Variants in CYP2F1 observed in about 807,000 individuals in gnomAD.
The protein encoded by CYP2F1 is cytochrome P450 family 2 subfamily F member 1.
A neutral mutation model predicts 40.4 loss-of-function variants in CYP2F1; 33 were observed. That is an observed-to-expected ratio of 0.82 (90% CI 0.62 to 1.09). The LOEUF is 1.09. Ranked by LOEUF, CYP2F1 falls within the 50% of genes least tolerant of loss-of-function variation. The pLI is 0.00. For missense variants in CYP2F1, 566 were observed against 655.7 expected (o/e 0.86, Z 1.49); for synonymous variants, 235 against 277.2 (o/e 0.85, Z 1.51).
At chr19:41,122,373 T>C (rs2032269039) in intron 6 of CYP2F1, among the ~76,000 whole-genome samples, 1 of 152,054 alleles carries the variant, frequency 6.6e-6, no homozygotes, top group Non-Finnish European at 1.5e-5. Context: ...TGCTCAGGCT[T>C]GTTATCCCAG....
intron 4 of CYP2F1, 88 bp from the exon 5 acceptor site, chr19:41,121,370 G>A (rs551542843): frequency 1.5e-6 from 2 of 1,331,358 alleles, no homozygotes; most frequent in African/African-American, 3.2e-5. Context: ...GGTTGAGTCG[G>A]ATGTTGTACA....
chr19:41,124,602 C>T, intron 7 of CYP2F1, 117 bp from the exon 8 acceptor site: 3 of 964,350 alleles, frequency 3.1e-6, no homozygotes, highest in Non-Finnish European at 4.5e-6. Flanking sequence ...GCAGTGGCGC[C>T]CCGCGCTGGG....
At chr19:41,124,257 T>A (rs2873262) in intron 7 of CYP2F1, among the ~76,000 whole-genome samples, 351 of 20,742 alleles carry the variant, frequency 0.017, 11 homozygotes, top group African/African-American at 0.037. Flanking sequence ...CCCCCCCCCT[T>A]TTTTTTTTTT....
intron 7 of CYP2F1, among the ~76,000 whole-genome samples, chr19:41,124,230 T>C (rs970255344): frequency 7.1e-6 from 1 of 141,444 alleles, no homozygotes; most frequent in African/African-American, 2.9e-5. Flanking sequence ...GCTAATTCTT[T>C]TTTTTTTTTC....
rs747409813 is a variant in CYP2F1 at position 41,121,974 on chromosome 19, G to A, written c.663G>A (p.Pro221=). 1.1e-5 allele frequency: 17 copies of A among 1,613,090 alleles called. No individual in the cohort carries two copies. In the South Asian group the frequency reaches 1.4e-4, roughly 14 times the overall value. The change falls in exon 6 of 10, where the codon CCG becomes CCA. Residue 221 remains proline, a synonymous_variant. Transcript: ENST00000331105. ...SPWGELYDIF[P]SLLDWVPGPH... is the part of the protein sequence containing the mutation. ...GTCCCCAGTTGTACGACATCTTCCCGAGCCTCCTGGACTGGGTGCCTGGGC... is the reference window on the plus strand; with the variant it reads ...GTCCCCAGTTGTACGACATCTTCCCAAGCCTCCTGGACTGGGTGCCTGGGC...
chr19:41,116,354 A>G lies in CYP2F1; in HGVS notation c.166A>G (p.Thr56Ala). ...LCSQDMLTSL[T>A]KLSKEYGSMY... ...CTCCCAAGACATGCTGACTTCTCTC[A>G]CTAAGGTGCAAGGCCCTTAGCTTGG... The change falls in exon 2 of 10, where the codon ACT becomes GCT. Residue 56 changes from threonine (T) to alanine (A), a missense_variant. By Grantham distance (58) the Thr-to-Ala change is moderately conservative. Around this residue, in one of 5 missense-constraint regions of CYP2F1, gnomAD observed 264 missense variants for 275.7 expected, o/e 0.96. Transcript: ENST00000331105. 1 of 1,613,970 alleles carries G rather than the reference A, an allele frequency of 6.2e-7. No homozygotes were observed. The highest frequency in any genetic ancestry group is 8.5e-7 in the Non-Finnish European group (1 of 1,179,952).
chr19:41,123,092 C>T (rs1298099261), intron 7 of CYP2F1, 129 bp downstream of exon 7: 7 of 1,073,516 alleles, frequency 6.5e-6, no homozygotes, highest in Non-Finnish European at 9.7e-6. Context: ...CACAGCCAAA[C>T]CCACAAACCC....
chr19:41,114,788 C>CTTTT (rs36044091), intron 1 of CYP2F1, among the ~76,000 whole-genome samples: 138 of 100,008 alleles, frequency 1.4e-3, no homozygotes, highest in Non-Finnish European at 1.6e-3. Flanking sequence ...CTCTCTCTCT[C>CTTTT]TTTTTTTTTT....
At chr19:41,123,856 G>A (rs993382979) in intron 7 of CYP2F1, among the ~76,000 whole-genome samples, 23 of 152,024 alleles carry the variant, frequency 1.5e-4, no homozygotes, top group Non-Finnish European at 2.9e-4. Flanking sequence ...TGCCGAGTGC[G>A]TCAACCACCA....
At chr19:41,123,855 C>G (rs1324485256) in intron 7 of CYP2F1, among the ~76,000 whole-genome samples, 1 of 152,050 alleles carries the variant, frequency 6.6e-6, no homozygotes. Context: ...GTGCCGAGTG[C>G]GTCAACCACC....
At chr19:41,124,271 T>C (rs2032417472) in intron 7 of CYP2F1, among the ~76,000 whole-genome samples, 1 of 120,934 alleles carries the variant, frequency 8.3e-6, no homozygotes, top group African/African-American at 3.1e-5. Context: ...TTTTTTTTTT[T>C]TTTTTTTTTT....
At position 41,120,435 on chromosome 19, in the gene CYP2F1, C is replaced by T; in HGVS notation, c.423C>T (p.Ser141=). 6.2e-7 allele frequency: 1 copy of T among 1,614,006 alleles called. No homozygotes were observed. The highest frequency in any genetic ancestry group is 8.5e-7 in the Non-Finnish European group (1 of 1,179,958). ...ILRNFGMGKR[S]IEERILEEGS... is the part of the protein sequence containing the mutation. ...GGAATTTCGGGATGGGGAAGAGAAG[C>T]ATTGAGGAGCGAATCCTAGAGGAGG... Residue 141 remains serine, a synonymous_variant, in exon 4 of 10, where the codon AGC becomes AGT. Coordinates refer to ENST00000331105, the MANE Select transcript of CYP2F1 (RefSeq NM_000774.5).
At chr19:41,118,839 T>C (rs972923162) in intron 3 of CYP2F1, among the ~76,000 whole-genome samples, 2 of 152,332 alleles carry the variant, frequency 1.3e-5, no homozygotes, top group African/African-American at 4.8e-5. Flanking sequence ...AATGAGACAA[T>C]GCATAAAAAT....
In CYP2F1 at chr19:41,122,881, C is replaced by T; in HGVS notation, c.882C>T (p.Asn294=). ...ATACCCTGCTGATGACCACACATAA[C>T]CTGCTCTTTGGCGGCACCAAGACGG... ...HMDTLLMTTH[N]LLFGGTKTVS... is the part of the protein sequence containing the mutation. The change falls in exon 7 of 10, where the codon AAC becomes AAT. Residue 294 remains asparagine (N), a synonymous_variant. Transcript: ENST00000331105. 1 of 1,595,468 alleles carries T rather than the reference C, an allele frequency of 6.3e-7. No individual in the cohort carries two copies. The highest frequency in any genetic ancestry group is 8.5e-7 in the Non-Finnish European group (1 of 1,170,010).
chr19:41,121,690 G>A (rs1370961312), intron 5 of CYP2F1, 72 bp downstream of exon 5: 2 of 1,436,252 alleles, frequency 1.4e-6, no homozygotes, highest in African/African-American at 3.0e-5. Flanking sequence ...GAAACAGTGG[G>A]CGGGGAAAGG....
chr19:41,127,589 C>G (rs2032593102), intron 9 of CYP2F1, among the ~76,000 whole-genome samples: 2 of 152,178 alleles, frequency 1.3e-5, no homozygotes, highest in South Asian at 4.1e-4. Context: ...TTCCCTCGGC[C>G]TCCGAAAATG....
rs2032625247 is a variant in CYP2F1, at chr19:41,128,272, G to A, written c.*190G>A. ...CCCCGTCTGCAGGGCAGAGGCAGATGTGGCATGTCTTTTTGTACCCACAGA... is the reference window on the plus strand; with the variant it reads ...CCCCGTCTGCAGGGCAGAGGCAGATATGGCATGTCTTTTTGTACCCACAGA... On this transcript the variant is annotated 3_prime_UTR_variant, in exon 10 of 10. Coordinates refer to ENST00000331105, the MANE Select transcript of CYP2F1 (RefSeq NM_000774.5). 1 of 559,424 alleles carries A rather than the reference G, an allele frequency of 1.8e-6. No individual in the cohort carries two copies. Among genetic ancestry groups the A allele is most frequent in the Non-Finnish European group, 3.1e-6 (1 of 323,836 alleles). 34.7% of individuals were successfully genotyped at this position (559,424 alleles called of 1,614,324 possible). A position where few individuals can be genotyped will look rare whatever the true frequency, so the allele number is the denominator to read the frequency against.
At chr19:41,114,764 G>A (rs927060053) in intron 1 of CYP2F1, among the ~76,000 whole-genome samples, 88 of 145,200 alleles carry the variant, frequency 6.1e-4, no homozygotes, top group South Asian at 4.5e-4. Flanking sequence ...CTCTGTCTCC[G>A]TCTCTTTCTC....
intron 1 of CYP2F1, among the ~76,000 whole-genome samples, chr19:41,115,129 C>T (rs981021742): frequency 1.3e-5 from 2 of 151,854 alleles, no homozygotes; most frequent in African/African-American, 2.4e-5. Context: ...CTCTAATATT[C>T]CCTGCCTCTC....
Sources: allele counts gnomAD v4.1 joint callset (sites outside exome capture counted in the v4.1 genomes callset), GRCh38; gene constraint gnomAD v4.1.1; regional missense constraint gnomAD v4.1.1; transcripts MANE v1.5; gene names NCBI Gene and HGNC (gene_info 2026-07-23, HGNC 2026-07-21).